Variants in FOXP1 observed in about 807,000 individuals in gnomAD.
FOXP1 encodes forkhead box protein P1.
A neutral mutation model predicts 98.2 loss-of-function variants in FOXP1; 15 were observed. The ratio of observed to expected loss-of-function variants is 0.15; its 90% CI spans 0.10 to 0.24. FOXP1 has a LOEUF of 0.24. Ranked by LOEUF, FOXP1 falls within the 10% of genes least tolerant of loss-of-function variation. FOXP1 has a pLI of 1.00. For synonymous variants in FOXP1, 371 were observed against 314.5 expected (o/e 1.18, Z -1.90); for missense variants, 633 against 848.5 (o/e 0.75, Z 3.15).
intron 9 of FOXP1, among the ~76,000 whole-genome samples, chr3:71,051,653 A>T (rs1283148211): frequency 6.6e-6 from 1 of 152,210 alleles, no homozygotes; most frequent in Non-Finnish European, 1.5e-5. Context: ...TTAAACAAAA[A>T]GAATTTTCAG....
chr3:71,247,898 A>G (rs1459231019), intron 5 of FOXP1, among the ~76,000 whole-genome samples: 2 of 152,222 alleles, frequency 1.3e-5, no homozygotes, highest in Non-Finnish European at 2.9e-5. Flanking sequence ...AGCATTCCAT[A>G]GGAACTATTG....
chr3:71,573,841 C>G (rs536135297), intron 2 of FOXP1: 1 of 152,086 alleles, frequency 6.6e-6, no homozygotes, highest in East Asian at 1.9e-4. Context: ...AAAATATCTA[C>G]CATACATCAC....
At chr3:71,308,044 C>T (rs1324720037) in intron 4 of FOXP1, among the ~76,000 whole-genome samples, 1 of 151,884 alleles carries the variant, frequency 6.6e-6, no homozygotes, top group Non-Finnish European at 1.5e-5. Context: ...GACAAAAATC[C>T]GTATGCAAGC....
intron 5 of FOXP1, among the ~76,000 whole-genome samples, chr3:71,265,031 C>T (rs981132711): frequency 2.0e-5 from 3 of 152,162 alleles, no homozygotes; most frequent in African/African-American, 7.2e-5. Context: ...CACGTATACA[C>T]ACTCAGAGGT....
chr3:71,060,889 A>G (rs914362694), intron 7 of FOXP1, among the ~76,000 whole-genome samples: 6 of 152,160 alleles, frequency 3.9e-5, no homozygotes, highest in Non-Finnish European at 7.4e-5. Context: ...TTTTAACCGG[A>G]TTTGAAAATG....
intron 3 of FOXP1, among the ~76,000 whole-genome samples, chr3:71,373,055 C>T (rs2079456142): frequency 6.6e-6 from 1 of 152,176 alleles, no homozygotes; most frequent in Non-Finnish European, 1.5e-5. Context: ...AAATTGTCTG[C>T]ACGCTGAGCT....
intron 5 of FOXP1, among the ~76,000 whole-genome samples, chr3:71,223,147 C>T (rs2065530197): frequency 6.6e-6 from 1 of 152,148 alleles, no homozygotes; most frequent in African/African-American, 2.4e-5. Context: ...CCCCAAGCTC[C>T]CCCATTCTAA....
At chr3:71,211,331 G>C (rs546512706) in intron 5 of FOXP1, among the ~76,000 whole-genome samples, 1 of 151,986 alleles carries the variant, frequency 6.6e-6, no homozygotes, top group Non-Finnish European at 1.5e-5. Flanking sequence ...TCAGCTTCCC[G>C]AGTAGCTGGG....
intron 13 of FOXP1, among the ~76,000 whole-genome samples, chr3:70,996,247 G>A (rs996311949): frequency 6.6e-6 from 1 of 152,184 alleles, no homozygotes; most frequent in African/African-American, 2.4e-5. Flanking sequence ...GCCTTCCAAA[G>A]TGCTGGTATT....
At chr3:71,103,028 A>G (rs1055671300) in intron 7 of FOXP1, among the ~76,000 whole-genome samples, 1 of 152,218 alleles carries the variant, frequency 6.6e-6, no homozygotes, top group Admixed American at 6.5e-5. Flanking sequence ...ATTTAATATG[A>G]TAACTATTAT....
intron 6 of FOXP1, among the ~76,000 whole-genome samples, chr3:71,133,818 G>A (rs1016639765): frequency 1.1e-4 from 4 of 37,514 alleles, no homozygotes; most frequent in Non-Finnish European, 1.0e-3. Flanking sequence ...AGTCTACCCC[G>A]AATATGTGTG....
At chr3:71,124,879 C>A (rs1033046859) in intron 6 of FOXP1, among the ~76,000 whole-genome samples, 1 of 152,210 alleles carries the variant, frequency 6.6e-6, no homozygotes, top group Non-Finnish European at 1.5e-5. Flanking sequence ...AACCATTGGT[C>A]GTCCTCTTTA....
chr3:71,208,241 T>G (rs1361806883), intron 5 of FOXP1, among the ~76,000 whole-genome samples: 1 of 152,222 alleles, frequency 6.6e-6, no homozygotes, highest in Admixed American at 6.5e-5. Flanking sequence ...ACTAGACTTT[T>G]TCTCCTACAC....
At chr3:71,501,896 T>C (rs761999336) in intron 2 of FOXP1, among the ~76,000 whole-genome samples, 8 of 152,184 alleles carry the variant, frequency 5.3e-5, no homozygotes, top group Non-Finnish European at 1.0e-4. Flanking sequence ...ACTGACTTCC[T>C]GTTCAAGCTC....
intron 6 of FOXP1, among the ~76,000 whole-genome samples, chr3:71,157,382 A>G (rs1431315868): frequency 1.3e-5 from 2 of 152,216 alleles, no homozygotes; most frequent in Non-Finnish European, 2.9e-5. Context: ...CCAAAATATT[A>G]AAAAGATAAG....
At chr3:71,166,261 T>C (rs191007648) in intron 6 of FOXP1, among the ~76,000 whole-genome samples, 3 of 152,072 alleles carry the variant, frequency 2.0e-5, no homozygotes, top group Admixed American at 1.3e-4. Flanking sequence ...AAAAGACAAG[T>C]ACATGAGAGG....
chr3:71,381,067 C>T (rs530211333), intron 3 of FOXP1, among the ~76,000 whole-genome samples: 184 of 152,112 alleles, frequency 1.2e-3, no homozygotes, highest in Middle Eastern at 3.4e-3. Context: ...CAACATTTGA[C>T]CTGGTCGTCC....
At chr3:71,440,330 C>G (rs2085808997) in intron 3 of FOXP1, among the ~76,000 whole-genome samples, 1 of 152,040 alleles carries the variant, frequency 6.6e-6, no homozygotes, top group South Asian at 2.1e-4. Flanking sequence ...CTTTGAGAGG[C>G]CAAGGCAGGG....
intron 4 of FOXP1, among the ~76,000 whole-genome samples, chr3:71,347,030 A>AT (rs779263164): frequency 4.6e-5 from 7 of 152,116 alleles, no homozygotes; most frequent in Non-Finnish European, 8.8e-5. Flanking sequence ...GCAAGACTCC[A>AT]TCTCAAAAAA....
Sources: gnomAD v4.1 joint callset for allele counts (sites outside exome capture counted in the v4.1 genomes callset) on GRCh38, gnomAD v4.1.1 for gene constraint, MANE v1.5 for transcripts, NCBI Gene and HGNC (gene_info 2026-07-23, HGNC 2026-07-21) for gene names.